GHR: variants seen among roughly 807,000 people sequenced by gnomAD.
GHR encodes the protein growth hormone receptor.
Under a neutral mutation model 67.1 loss-of-function variants are expected in GHR, and 35 were observed. The observed-to-expected ratio is 0.52, with a 90% CI of 0.40 to 0.69. The LOEUF is 0.69. Ranked by LOEUF, GHR falls within the 30% of genes least tolerant of loss-of-function variation. The pLI is 0.00. For missense variants in GHR, 792 were observed against 764.6 expected (o/e 1.04, Z -0.42); for synonymous variants, 272 against 269.1 (o/e 1.01, Z -0.10).
chr5:42,607,270 C>G (rs1020833775), intron 2 of GHR, among the ~76,000 whole-genome samples: 3 of 152,078 alleles, frequency 2.0e-5, no homozygotes, highest in African/African-American at 7.2e-5. Context: ...AGGGTGAAAA[C>G]AGAATAATAT....
intron 2 of GHR, among the ~76,000 whole-genome samples, chr5:42,595,130 A>C (rs1349239251): frequency 6.6e-6 from 1 of 152,220 alleles, no homozygotes; most frequent in Non-Finnish European, 1.5e-5. Flanking sequence ...ACAGAGGCCA[A>C]AATGTGTTTA....
At chr5:42,533,126 T>G (rs1011979974) in intron 1 of GHR, among the ~76,000 whole-genome samples, 4 of 152,286 alleles carry the variant, frequency 2.6e-5, no homozygotes, top group Non-Finnish European at 5.9e-5. Flanking sequence ...ATTTGCCAGT[T>G]GATGGATGTG....
intron 2 of GHR, among the ~76,000 whole-genome samples, chr5:42,607,028 C>T (rs1216504506): frequency 6.6e-6 from 1 of 152,106 alleles, no homozygotes; most frequent in Admixed American, 6.6e-5. Flanking sequence ...CAAGCATTCT[C>T]ATGATAGTGA....
At chr5:42,696,965 G>C (rs139386641) in intron 5 of GHR, among the ~76,000 whole-genome samples, 4 of 152,198 alleles carry the variant, frequency 2.6e-5, no homozygotes, top group Admixed American at 2.6e-4. Flanking sequence ...TTAATGCTCA[G>C]AGAAATTAAT....
intron 1 of GHR, among the ~76,000 whole-genome samples, chr5:42,563,476 G>A (rs531110542): frequency 6.6e-6 from 1 of 151,998 alleles, no homozygotes; most frequent in African/African-American, 2.4e-5. Flanking sequence ...AAATTAGCCG[G>A]GCGCGGTGGC....
chr5:42,557,349 C>A (rs1221768824), intron 1 of GHR, among the ~76,000 whole-genome samples: 1 of 152,072 alleles, frequency 6.6e-6, no homozygotes, highest in African/African-American at 2.4e-5. Context: ...TTGCTGATTG[C>A]TCTACCACAT....
At chr5:42,517,569 TG>T in intron 1 of GHR, among the ~76,000 whole-genome samples, 1 of 152,328 alleles carries the variant, frequency 6.6e-6, no homozygotes, top group South Asian at 2.1e-4. Flanking sequence ...CACTTTTTTA[TG>T]GTCAGGACCT....
intron 1 of GHR, among the ~76,000 whole-genome samples, chr5:42,496,518 C>T (rs1746326119): frequency 6.6e-6 from 1 of 151,986 alleles, no homozygotes; most frequent in Admixed American, 6.6e-5. Context: ...AAAATCCAGG[C>T]ACTGTGTTGT....
intron 1 of GHR, among the ~76,000 whole-genome samples, chr5:42,489,601 T>A (rs1316966905): frequency 1.3e-5 from 2 of 152,242 alleles, no homozygotes; most frequent in Non-Finnish European, 2.9e-5. Context: ...AATTTTTAAG[T>A]TATTATCATA....
At chr5:42,463,861 T>C (rs2940924) in intron 1 of GHR, among the ~76,000 whole-genome samples, 148,485 of 148,724 alleles carry the variant, frequency 1, 74,125 homozygotes, top group Middle Eastern at 1. Flanking sequence ...GGCGTAGTGG[T>C]GGGCGCCTGT....
chr5:42,574,573 T>C (rs1257775134), intron 2 of GHR, among the ~76,000 whole-genome samples: 1 of 152,232 alleles, frequency 6.6e-6, no homozygotes, highest in Non-Finnish European at 1.5e-5. Flanking sequence ...AAAGCCATTA[T>C]GGGTGTGAAA....
chr5:42,576,123 TAAAATAAAATAAAATAAA>T (rs1750713757), intron 2 of GHR, among the ~76,000 whole-genome samples: 17 of 84,958 alleles, frequency 2.0e-4, no homozygotes, highest in African/African-American at 8.7e-4. Flanking sequence ...TAAAATAAAA[TAAAATAAAATAAAATAAA>T]ATAGTAAAGT....
Position 42,658,559 on chromosome 5 carries a change from AT to A in GHR, c.136+29457del, listed in dbSNP as rs1469633751. 2.6e-5 allele frequency among the ~76,000 whole-genome samples: 4 copies of A among 152,348 alleles called. No homozygotes were observed. The South Asian group carries it at 8.3e-4, about 32-fold the overall frequency. Reference sequence around the variant, plus strand: ...GCTTATATACAGTAAGAATTATCCAATGCAAATGTAATCAGAGCATCTGCAA... The same window carrying A: ...GCTTATATACAGTAAGAATTATCCAAGCAAATGTAATCAGAGCATCTGCAA... On this transcript the variant is annotated intron_variant, in intron 3 of 9. Coordinates refer to ENST00000230882, the MANE Select transcript of GHR (RefSeq NM_000163.5).
At chr5:42,439,879 C>T (rs949539761) in intron 1 of GHR, among the ~76,000 whole-genome samples, 2 of 152,180 alleles carry the variant, frequency 1.3e-5, no homozygotes, top group Non-Finnish European at 2.9e-5. Context: ...TCAAACCCTC[C>T]TAGTCCTTCC....
chr5:42,681,854 T>C (rs1043128947), intron 3 of GHR, among the ~76,000 whole-genome samples: 1 of 141,782 alleles, frequency 7.1e-6, no homozygotes, highest in African/African-American at 2.6e-5. Context: ...GAGAATGGCA[T>C]GAACCCGGGA....
intron 1 of GHR, among the ~76,000 whole-genome samples, chr5:42,531,494 G>T (rs1425529928): frequency 6.6e-6 from 1 of 150,594 alleles, no homozygotes; most frequent in Admixed American, 6.6e-5. Context: ...TTTTTTTAGA[G>T]TGGGTCTCGG....
At chr5:42,477,230 C>T (rs1389581838) in intron 1 of GHR, among the ~76,000 whole-genome samples, 3 of 152,034 alleles carry the variant, frequency 2.0e-5, no homozygotes, top group African/African-American at 7.2e-5. Context: ...TTTATGGCTG[C>T]ATAGTATTCC....
intron 3 of GHR, among the ~76,000 whole-genome samples, chr5:42,669,954 G>C (rs866649104): frequency 6.6e-6 from 1 of 151,986 alleles, no homozygotes; most frequent in African/African-American, 2.4e-5. Flanking sequence ...ACTACCCAAA[G>C]CAATCTATAG....
intron 1 of GHR, among the ~76,000 whole-genome samples, chr5:42,504,256 G>A (rs1349983326): frequency 6.6e-6 from 1 of 152,148 alleles, no homozygotes; most frequent in Non-Finnish European, 1.5e-5. Context: ...ATAGGCCCTA[G>A]TTCAGTTTAC....
Sources: allele counts gnomAD v4.1 joint callset (sites outside exome capture counted in the v4.1 genomes callset), GRCh38; gene constraint gnomAD v4.1.1; transcripts MANE v1.5; gene names NCBI Gene and HGNC (gene_info 2026-07-23, HGNC 2026-07-21).